Variants in DNER observed in about 807,000 individuals in gnomAD.
DNER encodes the protein delta and Notch-like epidermal growth factor-related receptor.
Under a neutral mutation model 78.2 loss-of-function variants are expected in DNER, and 33 were observed. That is an observed-to-expected ratio of 0.42 (90% CI 0.32 to 0.56). The LOEUF is 0.56. Among genes scored for constraint, DNER ranks in the 20% least tolerant of loss-of-function variants. The pLI, the probability that DNER is intolerant of heterozygous loss-of-function variation, is 0.11. For missense variants in DNER, 918 were observed against 975.3 expected (o/e 0.94, Z 0.78); for synonymous variants, 417 against 384.8 (o/e 1.08, Z -0.98).
At chr2:229,400,653 A>C (rs1693247147) in intron 10 of DNER, among the ~76,000 whole-genome samples, 1 of 152,138 alleles carries the variant, frequency 6.6e-6, no homozygotes, top group Non-Finnish European at 1.5e-5. Context: ...ATTATAACCT[A>C]AAGTATAAAA....
At chr2:229,544,498 T>A (rs1020140568) in intron 5 of DNER, among the ~76,000 whole-genome samples, 2 of 151,566 alleles carry the variant, frequency 1.3e-5, no homozygotes, top group South Asian at 2.1e-4. Context: ...GTTATATATC[T>A]ATTTATTAAT....
chr2:229,668,480 G>T (rs1442354798), intron 1 of DNER, among the ~76,000 whole-genome samples: 2 of 109,486 alleles, frequency 1.8e-5, no homozygotes, highest in Non-Finnish European at 1.8e-5. Context: ...ATATATATAG[G>T]TAAGTATATA....
At chr2:229,614,243 T>C (rs968659292) in intron 1 of DNER, among the ~76,000 whole-genome samples, 1 of 151,984 alleles carries the variant, frequency 6.6e-6, no homozygotes, top group Admixed American at 6.5e-5. Flanking sequence ...AAATTCCTAA[T>C]CATGCGTGCT....
intron 1 of DNER, among the ~76,000 whole-genome samples, chr2:229,621,735 T>C (rs1179897773): frequency 6.6e-6 from 1 of 152,198 alleles, no homozygotes; most frequent in Non-Finnish European, 1.5e-5. Flanking sequence ...TTGGTTTTTC[T>C]TACTTGGGCC....
At chr2:229,564,009 C>T (rs760388043) in intron 4 of DNER, among the ~76,000 whole-genome samples, 1 of 135,374 alleles carries the variant, frequency 7.4e-6, no homozygotes, top group Non-Finnish European at 1.6e-5. Context: ...CACCCCATCA[C>T]CATCATCATC....
At chr2:229,684,041 A>T (rs962365158) in intron 1 of DNER, among the ~76,000 whole-genome samples, 5 of 151,984 alleles carry the variant, frequency 3.3e-5, no homozygotes, top group Non-Finnish European at 7.4e-5. Flanking sequence ...CAACAGTCTG[A>T]AAAGTGCAAT....
chr2:229,512,402 T>G (rs527362489), intron 6 of DNER, among the ~76,000 whole-genome samples: 159 of 142,976 alleles, frequency 1.1e-3, no homozygotes, highest in African/African-American at 4.0e-3. Context: ...AAAAATTAAT[T>G]AATGGCATTC....
chr2:229,651,523 G>A (rs1470471765), intron 1 of DNER, among the ~76,000 whole-genome samples: 3 of 152,172 alleles, frequency 2.0e-5, no homozygotes, highest in Admixed American at 6.5e-5. Context: ...AGAATTGCAG[G>A]ACAGATGCTC....
chr2:229,598,321 T>C (rs1697761985), intron 1 of DNER, among the ~76,000 whole-genome samples: 1 of 152,256 alleles, frequency 6.6e-6, no homozygotes, highest in African/African-American at 2.4e-5. Context: ...CAGCAATTCA[T>C]GTGACATTTA....
intron 1 of DNER, among the ~76,000 whole-genome samples, chr2:229,619,740 T>C (rs1698222017): frequency 6.6e-6 from 1 of 152,256 alleles, no homozygotes; most frequent in African/African-American, 2.4e-5. Context: ...GAAACTCATT[T>C]AAAGTAATTT....
intron 12 of DNER, among the ~76,000 whole-genome samples, chr2:229,361,678 T>A (rs1022332687): frequency 6.6e-6 from 1 of 152,048 alleles, no homozygotes; most frequent in East Asian, 1.9e-4. Context: ...CAATCCCACA[T>A]CCCTTCCATT....
intron 8 of DNER, among the ~76,000 whole-genome samples, chr2:229,427,848 G>A (rs897742408): frequency 5.9e-5 from 9 of 152,038 alleles, no homozygotes; most frequent in South Asian, 2.1e-4. Context: ...AGGCTGAGGC[G>A]GGCAGATCAC....
At chr2:229,550,776 A>AAAAT (rs113610938) in intron 4 of DNER, among the ~76,000 whole-genome samples, 294 of 152,178 alleles carry the variant, frequency 1.9e-3, no homozygotes, top group African/African-American at 4.3e-3. Flanking sequence ...TCTGTCTCAA[A>AAAAT]AAATAAATAA....
At chr2:229,607,966 G>A (rs1315699195) in intron 1 of DNER, among the ~76,000 whole-genome samples, 2 of 144,048 alleles carry the variant, frequency 1.4e-5, no homozygotes, top group African/African-American at 5.2e-5. Context: ...AGTTTGCAGT[G>A]AGCCGAGATC....
chr2:229,378,466 G>A (rs1692658743), intron 11 of DNER, among the ~76,000 whole-genome samples: 1 of 152,186 alleles, frequency 6.6e-6, no homozygotes, highest in South Asian at 2.1e-4. Context: ...GCTCAAGGAA[G>A]GGAAAGCAGG....
In DNER at chr2:229,507,174, C is replaced by T. The variant is rs189024365; in HGVS notation, c.1147+5609G>A. Among the ~76,000 whole-genome samples the T allele has an allele frequency of 1.4e-4, 22 of 152,272 alleles. No individual in the cohort carries two copies. The South Asian group carries it at 2.7e-3, about 19-fold the overall frequency. On this transcript the variant is annotated intron_variant, in intron 6 of 12. Transcript: ENST00000341772. ...TAATCTTATGGCACATCATTGTTTACGCATGTCTAAATATATCTAAACATA... is the reference window on the plus strand; with the variant it reads ...TAATCTTATGGCACATCATTGTTTATGCATGTCTAAATATATCTAAACATA...
intron 5 of DNER, among the ~76,000 whole-genome samples, chr2:229,537,120 C>T (rs1457278104): frequency 6.6e-6 from 1 of 151,970 alleles, no homozygotes; most frequent in African/African-American, 2.4e-5. Context: ...CGGGGCCATC[C>T]CAGACCCTCT....
rs114304346 is a variant in DNER, at chr2:229,540,561, G to C, written c.993+6386C>G. Among the ~76,000 whole-genome samples, 478 of 152,310 alleles carry C rather than the reference G, an allele frequency of 3.1e-3. 5 individuals are homozygous for C. Among genetic ancestry groups the C allele is most frequent in the African/African-American group, 0.011 (461 of 41,566 alleles). On this transcript the variant is annotated intron_variant, in intron 5 of 12. Coordinates refer to ENST00000341772, the MANE Select transcript of DNER (RefSeq NM_139072.4). ...ATGGGCTATAGAACAAGGACAGTGG[G>C]TATTATCAAGCAATGGACAAAGTAA... is the stretch of plus-strand genomic sequence containing the variant.
intron 4 of DNER, among the ~76,000 whole-genome samples, chr2:229,562,527 G>C (rs1434981320): frequency 1.3e-5 from 2 of 152,062 alleles, no homozygotes; most frequent in African/African-American, 4.8e-5. Context: ...TTACAGAAGT[G>C]GTAATTGCCC....
Sources: gnomAD v4.1 joint callset for allele counts (sites outside exome capture counted in the v4.1 genomes callset) on GRCh38, gnomAD v4.1.1 for gene constraint, MANE v1.5 for transcripts, NCBI Gene and HGNC (gene_info 2026-07-23, HGNC 2026-07-21) for gene names.